B3GALT9: variants seen among roughly 807,000 people sequenced by gnomAD.
B3GALT9 encodes UDP-GlcNAc:betaGal beta-1,3-N-acetylglucosaminyltransferase 10 (putative).
Position 120,800,636 on chromosome 9 carries a change from G to A in B3GALT9, c.*958G>A, listed in dbSNP as rs142848875. Among the ~76,000 whole-genome samples, 2,081 of 151,602 alleles carry A rather than the reference G, an allele frequency of 0.014. 42 individuals carry two copies. The highest frequency in any genetic ancestry group is 0.048 in the African/African-American group (1,965 of 41,270). On this transcript the variant is annotated 3_prime_UTR_variant, in exon 3 of 3. Coordinates refer to ENST00000689072, the MANE Select transcript of B3GALT9 (RefSeq NM_001386823.1). ...AGTAAAAATTATGTATATTTATGTT[G>A]TACAACATGTTTTGATATATGTATA...
chr9:120,797,894 C>A (rs2044949449), intron 2 of B3GALT9, among the ~76,000 whole-genome samples: 1 of 152,212 alleles, frequency 6.6e-6, no homozygotes, highest in Non-Finnish European at 1.5e-5. Context: ...GTAGAGTAAG[C>A]TTGGCCTAGG....
At position 120,799,950 on chromosome 9, in the gene B3GALT9, G is replaced by GTTTT. The variant is rs5900461; in HGVS notation, c.*281_*284dup. 5.3e-5 allele frequency: 9 copies of GTTTT among 170,598 alleles called. No homozygotes were observed. The highest frequency in any genetic ancestry group is 7.2e-5 in the Non-Finnish European group (6 of 83,348). The allele number at this position is 170,598 out of a possible 1,614,324, so 10.6% of individuals were successfully genotyped here. A position where few individuals can be genotyped will look rare whatever the true frequency, so the allele number is the denominator to read the frequency against. On this transcript the variant is annotated 3_prime_UTR_variant, in exon 3 of 3. Transcript: ENST00000689072. The stretch of plus-strand genomic sequence containing the variant: ...ATGTTTCATTGTTTATTTAGTTTTC[G>GTTTT]TTTTTTTTTTTTCTTTTGAGACAGG...
chr9:120,801,218 A>G lies in B3GALT9; in HGVS notation c.*1540A>G, dbSNP rs1421293501. On this transcript the variant is annotated 3_prime_UTR_variant, in exon 3 of 3. Transcript: ENST00000689072. Reference sequence around the variant, plus strand: ...CATACTGATTTAATATCTTTTGGATATATTTCCAGTAGCGGAATTGCTAGA... The same window carrying G: ...CATACTGATTTAATATCTTTTGGATGTATTTCCAGTAGCGGAATTGCTAGA... 1.3e-5 allele frequency among the ~76,000 whole-genome samples: 2 copies of G among 152,190 alleles called. No homozygotes were observed. Among genetic ancestry groups the G allele is most frequent in the African/African-American group, 2.4e-5 (1 of 41,432 alleles).
Position 120,793,570 on chromosome 9 carries a change from C to T in B3GALT9, c.-534C>T. The stretch of plus-strand genomic sequence containing the variant: ...GAAGCTGAACGCGTGCCGCGCGGCC[C>T]TCACGGTGCTTAGGCTGGGTGCAAC... On this transcript the variant is annotated 5_prime_UTR_variant, in exon 1 of 3. Transcript: ENST00000689072. 1 of 400,332 alleles carries T rather than the reference C, an allele frequency of 2.5e-6. No homozygotes were observed. Among genetic ancestry groups the T allele is most frequent in the Admixed American group, 4.4e-5 (1 of 22,746 alleles). The allele number at this position is 400,332 out of a possible 1,614,324, so 24.8% of individuals were successfully genotyped here. A position where few individuals can be genotyped will look rare whatever the true frequency, so the allele number is the denominator to read the frequency against.
At chr9:120,794,513 TGTGTG>T (rs1433354098) in intron 1 of B3GALT9, among the ~76,000 whole-genome samples, 3 of 78,298 alleles carry the variant, frequency 3.8e-5, no homozygotes, top group Admixed American at 1.3e-4. Context: ...TAGTTGTGTG[TGTGTG>T]TGTGTGTGTG....
chr9:120,797,028 G>C (rs1444747543), intron 2 of B3GALT9, among the ~76,000 whole-genome samples: 1 of 145,804 alleles, frequency 6.9e-6, no homozygotes, highest in African/African-American at 2.5e-5. Context: ...CTGCAGTCCA[G>C]CCTGCGCCAC....
intron 1 of B3GALT9, among the ~76,000 whole-genome samples, chr9:120,795,092 AAAGT>A (rs533072252): frequency 1.5e-4 from 23 of 152,286 alleles, no homozygotes; most frequent in Admixed American, 1.5e-3. Context: ...CGGTGTCCTA[AAAGT>A]AAGGTCTCAA....
In B3GALT9 at chr9:120,801,445, G is replaced by A. The variant is rs1218261967; in HGVS notation, c.*1767G>A. ...ATTTAGGGCCTTTGGTCATTTCTAAGTCAGGTTATTTGGGCAGGGCACAGT... is the reference window on the plus strand; with the variant it reads ...ATTTAGGGCCTTTGGTCATTTCTAAATCAGGTTATTTGGGCAGGGCACAGT... On this transcript the variant is annotated 3_prime_UTR_variant, in exon 3 of 3. Coordinates refer to ENST00000689072, the MANE Select transcript of B3GALT9 (RefSeq NM_001386823.1). Among the ~76,000 whole-genome samples, 1 of 151,908 alleles carries A rather than the reference G, an allele frequency of 6.6e-6. No homozygotes were observed. The highest frequency in any genetic ancestry group is 2.4e-5 in the African/African-American group (1 of 41,340).
At chr9:120,797,505 CAA>C (rs987473010) in intron 2 of B3GALT9, among the ~76,000 whole-genome samples, 12 of 98,640 alleles carry the variant, frequency 1.2e-4, no homozygotes, top group African/African-American at 1.5e-4. Context: ...GACTCCGTCT[CAA>C]AAAAAAAAAA....
At chr9:120,796,060 A>G (rs1055488891) in intron 1 of B3GALT9, among the ~76,000 whole-genome samples, 1 of 152,144 alleles carries the variant, frequency 6.6e-6, no homozygotes, top group East Asian at 1.9e-4. Flanking sequence ...TCACCATATG[A>G]TGTTTCTTTG....
In B3GALT9 at chr9:120,800,108, C is replaced by T. The variant is rs2044961734; in HGVS notation, c.*430C>T. ...GAGACTATAGGCATGTGCCACCATA[C>T]CCGGCTAATTTTTTTTTTTTTTTTT... On this transcript the variant is annotated 3_prime_UTR_variant, in exon 3 of 3. Coordinates refer to ENST00000689072, the MANE Select transcript of B3GALT9 (RefSeq NM_001386823.1). Among the ~76,000 whole-genome samples the T allele has an allele frequency of 6.7e-6, 1 of 148,366 alleles. No homozygotes were observed. The highest frequency in any genetic ancestry group is 2.5e-5 in the African/African-American group (1 of 40,216).
intron 1 of B3GALT9, among the ~76,000 whole-genome samples, chr9:120,795,134 A>G (rs1371030787): frequency 6.6e-6 from 1 of 152,244 alleles, no homozygotes; most frequent in Non-Finnish European, 1.5e-5. Flanking sequence ...GCTAAGCAAC[A>G]GGATGTCACT....
intron 1 of B3GALT9, among the ~76,000 whole-genome samples, chr9:120,794,484 G>A (rs1484342231): frequency 3.3e-5 from 5 of 151,132 alleles, no homozygotes; most frequent in South Asian, 2.1e-4. Flanking sequence ...GACCACAGGC[G>A]CGTGTCACCA....
intron 2 of B3GALT9, among the ~76,000 whole-genome samples, chr9:120,797,149 AAAG>A (rs1036917309): frequency 4.6e-5 from 7 of 150,882 alleles, no homozygotes; most frequent in African/African-American, 1.5e-4. Flanking sequence ...GAAAGAAAGA[AAAG>A]AAAGAAAGAG....
intron 1 of B3GALT9, among the ~76,000 whole-genome samples, 190 bp from the exon 2 acceptor site, chr9:120,796,233 A>T (rs769915287): frequency 6.6e-6 from 1 of 152,228 alleles, no homozygotes; most frequent in African/African-American, 2.4e-5. Context: ...CAATGATGCT[A>T]TGGAGAAGTG....
chr9:120,798,887 TG>T lies in B3GALT9; in HGVS notation c.323del (p.Gly108AlafsTer3), dbSNP rs1262975868. 2 of 399,106 alleles carry T rather than the reference TG, an allele frequency of 5.0e-6. No individual in the cohort carries two copies. Among genetic ancestry groups the T allele is most frequent in the Non-Finnish European group, 8.8e-6 (2 of 226,082 alleles). The allele number at this position is 399,106 out of a possible 1,614,324, so 24.7% of individuals were successfully genotyped here. On this transcript the variant is annotated frameshift_variant, in exon 3 of 3. Coordinates refer to ENST00000689072, the MANE Select transcript of B3GALT9 (RefSeq NM_001386823.1). LOFTEE classifies it high-confidence loss of function. ...GTRRDLIRKT[W>X]GNVTSVQGHP... Reference sequence around the variant, plus strand: ...AAGACGGGACCTCATTAGGAAAACTTGGGGCAATGTGACCAGTGTCCAAGGG... The same window carrying T: ...AAGACGGGACCTCATTAGGAAAACTTGGGCAATGTGACCAGTGTCCAAGGG...
intron 2 of B3GALT9, among the ~76,000 whole-genome samples, chr9:120,796,937 A>G (rs2044942537): frequency 2.0e-5 from 3 of 152,024 alleles, no homozygotes; most frequent in South Asian, 2.1e-4. Context: ...CATGCCTGTA[A>G]TCCCAGCTAC....
chr9:120,796,806 C>T (rs2044941791), intron 2 of B3GALT9, among the ~76,000 whole-genome samples, 197 bp downstream of exon 2: 1 of 152,128 alleles, frequency 6.6e-6, no homozygotes, highest in African/African-American at 2.4e-5. Flanking sequence ...CCTGTCATCT[C>T]AGCACTTTGG....
At chr9:120,794,507 TGTGTG>T (rs1252374690) in intron 1 of B3GALT9, among the ~76,000 whole-genome samples, 2 of 874 alleles carry the variant, frequency 2.3e-3, no homozygotes, top group Admixed American at 0.045. Flanking sequence ...CCCAGCTAGT[TGTGTG>T]TGTGTGTGTG....
Sources: allele counts gnomAD v4.1 joint callset (sites outside exome capture counted in the v4.1 genomes callset), GRCh38; gene constraint gnomAD v4.1.1; transcripts MANE v1.5; gene names NCBI Gene and HGNC (gene_info 2026-07-23, HGNC 2026-07-21).